CNTLN: variants seen among roughly 807,000 people sequenced by gnomAD.
CNTLN encodes centlein.
Under a neutral mutation model 180.0 loss-of-function variants are expected in CNTLN, and 212 were observed. That is an observed-to-expected ratio of 1.18 (90% CI 1.05 to 1.32). The LOEUF (loss-of-function observed/expected upper bound fraction) is 1.32, where lower values mean the gene tolerates loss of function less well. Ranked by LOEUF, CNTLN falls within the 40% of genes most tolerant of loss-of-function variation. The pLI, the probability that CNTLN is intolerant of heterozygous loss-of-function variation, is 0.00. For synonymous variants in CNTLN, 722 were observed against 563.1 expected, an observed-to-expected ratio of 1.28 and a Z score of -3.99; for missense variants, 2,095 against 1,610.9, an observed-to-expected ratio of 1.30 and a Z score of -5.14.
chr9:17,170,895 ATACT>A (rs1348462190), intron 2 of CNTLN, among the ~76,000 whole-genome samples: 1 of 152,110 alleles, frequency 6.6e-6, no homozygotes, highest in African/African-American at 2.4e-5. Flanking sequence ...ACATGCACAA[ATACT>A]TACCATTGTG....
At chr9:17,208,356 G>T (rs1263369438) in intron 2 of CNTLN, among the ~76,000 whole-genome samples, 1 of 152,054 alleles carries the variant, frequency 6.6e-6, no homozygotes, top group Non-Finnish European at 1.5e-5. Context: ...TTCATGTGTT[G>T]TTGAATTTGG....
At chr9:17,300,327 C>A (rs1818258237) in intron 7 of CNTLN, 1 of 152,050 alleles carries the variant, frequency 6.6e-6, no homozygotes, top group South Asian at 2.1e-4. Flanking sequence ...TGATGATTCC[C>A]AAATTTGTAA....
At chr9:17,393,810 T>C (rs111415103) in intron 14 of CNTLN, among the ~76,000 whole-genome samples, 35 of 152,312 alleles carry the variant, frequency 2.3e-4, no homozygotes, top group African/African-American at 7.7e-4. Context: ...CTTATGATAC[T>C]TAGATTATAT....
chr9:17,383,868 G>C (rs1018747783), intron 13 of CNTLN, among the ~76,000 whole-genome samples: 1 of 152,038 alleles, frequency 6.6e-6, no homozygotes, highest in Admixed American at 6.5e-5. Flanking sequence ...TCGATCTCCT[G>C]ACCTCGTGAT....
intron 8 of CNTLN, among the ~76,000 whole-genome samples, chr9:17,317,482 T>G (rs1025942038): frequency 1.3e-5 from 2 of 152,158 alleles, no homozygotes; most frequent in Non-Finnish European, 2.9e-5. Context: ...CTATTCTTGG[T>G]GATGAAGAGC....
chr9:17,304,622 C>T (rs1436180952), intron 7 of CNTLN, among the ~76,000 whole-genome samples: 2 of 152,052 alleles, frequency 1.3e-5, no homozygotes, highest in African/African-American at 4.8e-5. Flanking sequence ...GTCAGTGTTG[C>T]AAATACAGTT....
At chr9:17,298,546 G>T (rs1001626374) in intron 7 of CNTLN, 194 bp downstream of exon 7, 1 of 1,267,286 alleles carries the variant, frequency 7.9e-7, no homozygotes, top group African/African-American at 1.5e-5. Context: ...ATGGTAATTA[G>T]AGCTGAATCA....
intron 5 of CNTLN, among the ~76,000 whole-genome samples, chr9:17,244,179 C>T (rs1377159549): frequency 1.3e-5 from 2 of 148,894 alleles, no homozygotes; most frequent in African/African-American, 2.5e-5. Context: ...CTTTTATTTT[C>T]GATCTGTATG....
chr9:17,178,541 C>T (rs1328385549), intron 2 of CNTLN, among the ~76,000 whole-genome samples: 1 of 152,136 alleles, frequency 6.6e-6, no homozygotes, highest in Non-Finnish European at 1.5e-5. Flanking sequence ...GGGACTCAGG[C>T]ATGGCGAATT....
At chr9:17,247,798 A>T (rs1206480688) in intron 5 of CNTLN, among the ~76,000 whole-genome samples, 171 of 100,146 alleles carry the variant, frequency 1.7e-3, no homozygotes, top group African/African-American at 6.9e-3. Context: ...TTTTTTTTGC[A>T]TCTATTGAAA....
intron 10 of CNTLN, among the ~76,000 whole-genome samples, chr9:17,334,564 C>T (rs1458636123): frequency 2.6e-5 from 4 of 152,174 alleles, no homozygotes; most frequent in Admixed American, 6.5e-5. Flanking sequence ...GATCTGTAGT[C>T]GCTCAGGGAA....
intron 8 of CNTLN, among the ~76,000 whole-genome samples, chr9:17,320,549 C>T (rs1359341092): frequency 6.6e-6 from 1 of 152,096 alleles, no homozygotes; most frequent in Non-Finnish European, 1.5e-5. Context: ...GTAGCCCAGG[C>T]TGCAGTGCAA....
chr9:17,457,505 T>G lies in CNTLN; in HGVS notation c.3115-19T>G. On this transcript the variant is annotated intron_variant, in intron 18 of 25. Coordinates refer to ENST00000380647, the MANE Select transcript of CNTLN (RefSeq NM_017738.4). ...CTTTTAAAATATATTTATATTTATT[T>G]TCTTTTTTTAAAAAAAAGAAGCTAA... 1 of 1,224,750 alleles carries G rather than the reference T, an allele frequency of 8.2e-7. No individual in the cohort carries two copies. The highest frequency in any genetic ancestry group is 1.1e-6 in the Non-Finnish European group (1 of 944,884). 75.9% of individuals were successfully genotyped at this position (1,224,750 alleles called of 1,614,324 possible).
intron 1 of CNTLN, among the ~76,000 whole-genome samples, chr9:17,136,927 C>T (rs377408866): frequency 6.6e-6 from 1 of 151,866 alleles, no homozygotes; most frequent in Non-Finnish European, 1.5e-5. Flanking sequence ...CTAAGACACT[C>T]TTTGGCATAT....
the CNTLN span, among the ~76,000 whole-genome samples, chr9:17,518,597 C>G: frequency 6.6e-6 from 1 of 152,106 alleles, no homozygotes; most frequent in Non-Finnish European, 1.5e-5. Flanking sequence ...GTAGGTACAG[C>G]TCATGAATAT....
chr9:17,487,031 T>C lies in CNTLN; in HGVS notation c.4084T>C (p.Trp1362Arg). The C allele has an allele frequency of 6.3e-7, 1 of 1,597,030 alleles. No individual in the cohort carries two copies. The highest frequency in any genetic ancestry group is 8.5e-7 in the Non-Finnish European group (1 of 1,174,676). Residue 1362 changes from tryptophan (W) to arginine (R), a missense_variant, in exon 25 of 26, where the codon TGG (tryptophan) becomes CGG (arginine). Physicochemically the swap from Trp to Arg is moderately radical, Grantham distance 101 (BLOSUM62 -3). Coordinates refer to ENST00000380647, the MANE Select transcript of CNTLN (RefSeq NM_017738.4). Reference protein sequence around the residue: ...TKIDAENDKEWMLYIQKLLEG... With the variant: ...TKIDAENDKERMLYIQKLLEG... The stretch of plus-strand genomic sequence containing the variant: ...AATTGATGCTGAAAATGACAAGGAA[T>C]GGATGTTGTACATTCAGAAACTTCT...
intron 18 of CNTLN, among the ~76,000 whole-genome samples, chr9:17,417,334 CCTTT>C (rs1253270945): frequency 1.3e-5 from 2 of 152,078 alleles, no homozygotes; most frequent in African/African-American, 2.4e-5. Flanking sequence ...TCCTACGCTT[CCTTT>C]CTTTCTTCTC....
At chr9:17,241,008 G>C (rs1289931140) in intron 5 of CNTLN, among the ~76,000 whole-genome samples, 1 of 152,028 alleles carries the variant, frequency 6.6e-6, no homozygotes. Flanking sequence ...ACAGGCGCCC[G>C]GCACCACACC....
intron 2 of CNTLN, among the ~76,000 whole-genome samples, chr9:17,223,459 C>G (rs1237380568): frequency 6.6e-6 from 1 of 152,004 alleles, no homozygotes; most frequent in Non-Finnish European, 1.5e-5. Context: ...TGTGTCCGTC[C>G]ACCAAACTTC....
Sources: gnomAD v4.1 joint callset for allele counts (sites outside exome capture counted in the v4.1 genomes callset) on GRCh38, gnomAD v4.1.1 for gene constraint, MANE v1.5 for transcripts, NCBI Gene and HGNC (gene_info 2026-07-23, HGNC 2026-07-21) for gene names.